The following CDK13 variants were observed in gnomAD, a reference collection of about 807,000 sequenced individuals.
The protein encoded by CDK13 is cyclin dependent kinase 13.
CDK13 carries 40 observed loss-of-function variants against 137.6 expected under a neutral mutation model. The observed-to-expected ratio is 0.29, with a 90% CI of 0.23 to 0.38. CDK13 has a LOEUF of 0.38. CDK13 is among the 10% of genes least tolerant of loss of function. The probability of loss-of-function intolerance (pLI) is 1.00; values close to 1 mark genes in which losing one functional copy is unlikely to be tolerated. For missense variants in CDK13, 1,704 were observed against 1,951.8 expected (o/e 0.87, Z 2.39); for synonymous variants, 869 against 760.1 (o/e 1.14, Z -2.36).
At chr7:39,983,310 A>G (rs1562711312) in intron 1 of CDK13, among the ~76,000 whole-genome samples, 1 of 152,106 alleles carries the variant, frequency 6.6e-6, no homozygotes, top group African/African-American at 2.4e-5. Flanking sequence ...TTCAGTAGAG[A>G]TGGGGTTTCA....
Position 40,096,020 on chromosome 7 carries a change from T to C in CDK13, c.*1040T>C, listed in dbSNP as rs968926119. ...GAGAATTTTAGAGTACCATTTTCTT[T>C]CAGGCTGCCATATTATCCCTGTTTC... On this transcript the variant is annotated 3_prime_UTR_variant, in exon 14 of 14. Transcript: ENST00000181839. The C allele has an allele frequency of 6.6e-6, 1 of 152,214 alleles. No individual in the cohort carries two copies. The highest frequency in any genetic ancestry group is 1.5e-5 in the Non-Finnish European group (1 of 68,048). The allele number at this position is 152,214 out of a possible 1,614,324, so 9.4% of individuals were successfully genotyped here.
intron 9 of CDK13, chr7:40,072,126 C>T (rs569733064): frequency 7.9e-5 from 12 of 152,254 alleles, no homozygotes; most frequent in African/African-American, 2.9e-4. Flanking sequence ...TGTACTGCTT[C>T]AACAAGTACA....
chr7:39,992,854 A>C (rs1259910821), intron 2 of CDK13, among the ~76,000 whole-genome samples: 1 of 152,146 alleles, frequency 6.6e-6, no homozygotes, highest in Non-Finnish European at 1.5e-5. Context: ...AAGAATACAC[A>C]GTTTTTTAGC....
chr7:39,966,029 TTCTC>T (rs755416313), intron 1 of CDK13, among the ~76,000 whole-genome samples: 5 of 152,198 alleles, frequency 3.3e-5, no homozygotes, highest in Non-Finnish European at 7.3e-5. Flanking sequence ...AACCCGACCT[TTCTC>T]TCTGGCTGCC....
At chr7:39,998,864 T>G (rs1440021461) in intron 3 of CDK13, 2 of 152,028 alleles carry the variant, frequency 1.3e-5, no homozygotes, top group African/African-American at 2.4e-5. Flanking sequence ...CTTTTTTTTT[T>G]GATGTTTTTC....
At chr7:40,038,273 C>G (rs1396990653) in intron 5 of CDK13, among the ~76,000 whole-genome samples, 1 of 152,054 alleles carries the variant, frequency 6.6e-6, no homozygotes, top group Non-Finnish European at 1.5e-5. Context: ...ACCATATATG[C>G]TGAAGTTTAC....
At chr7:40,082,611 C>T (rs1406104057) in intron 11 of CDK13, among the ~76,000 whole-genome samples, 2 of 149,694 alleles carry the variant, frequency 1.3e-5, no homozygotes, top group Non-Finnish European at 1.5e-5. Flanking sequence ...GCCGACATGG[C>T]GAAACCCTAG....
intron 5 of CDK13, among the ~76,000 whole-genome samples, chr7:40,014,549 T>C (rs1297271645): frequency 2.0e-5 from 3 of 151,396 alleles, no homozygotes; most frequent in African/African-American, 7.3e-5. Flanking sequence ...TGACCTCATG[T>C]GCTCAAGTGA....
At chr7:40,091,981 A>G (rs1271230118) in intron 12 of CDK13, among the ~76,000 whole-genome samples, 1 of 152,192 alleles carries the variant, frequency 6.6e-6, no homozygotes, top group Non-Finnish European at 1.5e-5. Context: ...TGTGTAAATT[A>G]TCCCAAGTCT....
At chr7:40,036,835 C>T (rs1220671609) in intron 5 of CDK13, among the ~76,000 whole-genome samples, 1 of 151,916 alleles carries the variant, frequency 6.6e-6, no homozygotes, top group African/African-American at 2.4e-5. Flanking sequence ...AGAAAAGAGA[C>T]CTTATAGTTA....
chr7:40,086,868 A>G (rs1458991115), intron 11 of CDK13, among the ~76,000 whole-genome samples: 1 of 141,230 alleles, frequency 7.1e-6, no homozygotes, highest in Non-Finnish European at 1.5e-5. Flanking sequence ...GCCAGAGTGC[A>G]GTGGCATGAT....
chr7:40,046,097 G>T, intron 6 of CDK13, 72 bp downstream of exon 6: 1 of 970,240 alleles, frequency 1.0e-6, no homozygotes, highest in African/African-American at 1.6e-5. Context: ...GAATAGACTG[G>T]AAACCGTAGC....
intron 1 of CDK13, among the ~76,000 whole-genome samples, chr7:39,971,913 G>A (rs1197787132): frequency 6.6e-6 from 1 of 152,004 alleles, no homozygotes; most frequent in Non-Finnish European, 1.5e-5. Context: ...AACAAAAAAA[G>A]GTCCAGCCCC....
In CDK13 at chr7:40,063,120, A is replaced by G. The variant is rs932927585; in HGVS notation, c.2780+20A>G. The G allele has an allele frequency of 1.3e-6, 2 of 1,537,172 alleles. No homozygotes were observed. Among genetic ancestry groups the G allele is most frequent in the Admixed American group, 1.7e-5 (1 of 59,872 alleles). ...AATAAGGTAAGCTGCTGATTATAATATTGGTGGGAATTGGGAGAGTGTCAT... is the reference window on the plus strand; with the variant it reads ...AATAAGGTAAGCTGCTGATTATAATGTTGGTGGGAATTGGGAGAGTGTCAT... On this transcript the variant is annotated intron_variant, in intron 9 of 13. Coordinates refer to ENST00000181839, the MANE Select transcript of CDK13 (RefSeq NM_003718.5).
chr7:39,956,240 C>T (rs556753980), intron 1 of CDK13, among the ~76,000 whole-genome samples: 1 of 152,274 alleles, frequency 6.6e-6, no homozygotes, highest in African/African-American at 2.4e-5. Flanking sequence ...GAGAAACTCT[C>T]AGAAGGGAAT....
In CDK13 at chr7:39,951,096, A is replaced by T. The variant is rs2116054646; in HGVS notation, c.455A>T (p.Gln152Leu). Residue 152 changes from glutamine to leucine, a missense_variant, in exon 1 of 14, where the codon CAG becomes CTG. Gln to Leu is a moderately radical substitution (Grantham distance 113). Transcript: ENST00000181839. ...GTGGAATACGAGGATGTGAGCTCCC[A>T]GTCCGAGCAGGGGCTGCTGCTGGGG... ...PLVEYEDVSSQSEQGLLLGGA... is the reference protein window; with the variant it reads ...PLVEYEDVSSLSEQGLLLGGA... 1 of 1,259,290 alleles carries T rather than the reference A, an allele frequency of 7.9e-7. No individual in the cohort carries two copies. Among genetic ancestry groups the T allele is most frequent in the Non-Finnish European group, 1.0e-6 (1 of 1,003,584 alleles). The allele number at this position is 1,259,290 out of a possible 1,614,324, so 78.0% of individuals were successfully genotyped here. A position where few individuals can be genotyped will look rare whatever the true frequency, so the allele number is the denominator to read the frequency against.
At chr7:39,992,646 A>G (rs1359116170) in intron 2 of CDK13, among the ~76,000 whole-genome samples, 1 of 151,830 alleles carries the variant, frequency 6.6e-6, no homozygotes, top group Non-Finnish European at 1.5e-5. Context: ...CATCCACTAT[A>G]TATAATCAAT....
At chr7:40,082,718 G>A (rs182171433) in intron 11 of CDK13, among the ~76,000 whole-genome samples, 377 of 151,152 alleles carry the variant, frequency 2.5e-3, no homozygotes, top group Non-Finnish European at 4.2e-3. Flanking sequence ...TTGAGCCTGG[G>A]AGGTGGAGAT....
At chr7:40,021,660 A>G (rs1177119191) in intron 5 of CDK13, among the ~76,000 whole-genome samples, 3 of 152,178 alleles carry the variant, frequency 2.0e-5, no homozygotes, top group African/African-American at 7.2e-5. Context: ...TTTAATTAAA[A>G]TATATATGTA....
Sources: gnomAD v4.1 joint callset for allele counts (sites outside exome capture counted in the v4.1 genomes callset) on GRCh38, gnomAD v4.1.1 for gene constraint, MANE v1.5 for transcripts, NCBI Gene and HGNC (gene_info 2026-07-23, HGNC 2026-07-21) for gene names.